Variants in ZCCHC24 observed in about 807,000 individuals in gnomAD.
ZCCHC24 encodes zinc finger CCHC-type containing 24.
In ZCCHC24, 10 loss-of-function variants were observed where a neutral mutation model predicts 26.2. The observed-to-expected ratio is 0.38, with a 90% confidence interval of 0.24 to 0.65. The LOEUF is 0.65. ZCCHC24 is among the 30% of genes least tolerant of loss of function. ZCCHC24 has a pLI of 0.54. For synonymous variants in ZCCHC24, 144 were observed against 147.1 expected, an observed-to-expected ratio of 0.98 and a Z score of 0.15; for missense variants, 243 against 329.1, an observed-to-expected ratio of 0.74 and a Z score of 2.03.
chr10:79,403,575 G>A, intron 2 of ZCCHC24: 2 of 985,430 alleles, frequency 2.0e-6, no homozygotes, highest in African/African-American at 1.7e-5. Flanking sequence ...CTGGGAGGGA[G>A]GAAGGACGCG....
intron 3 of ZCCHC24, among the ~76,000 whole-genome samples, chr10:79,390,833 TG>T (rs1051210449): frequency 2.0e-5 from 3 of 151,570 alleles, no homozygotes; most frequent in African/African-American, 7.3e-5. Flanking sequence ...AGTGGGGAAG[TG>T]GGGGGTTCTC....
At chr10:79,420,277 C>T (rs1160876095) in intron 2 of ZCCHC24, among the ~76,000 whole-genome samples, 1 of 152,134 alleles carries the variant, frequency 6.6e-6, no homozygotes, top group African/African-American at 2.4e-5. Context: ...TGGGCCTTCC[C>T]CTGTCCCCTC....
Position 79,432,639 on chromosome 10 carries a change from G to C in ZCCHC24, c.366C>G (p.Arg122=), listed in dbSNP as rs1050186546. 1.2e-6 allele frequency: 2 copies of C among 1,609,216 alleles called. No individual in the cohort carries two copies. Reference sequence around the variant, plus strand: ...TGGGTGGGGGCCGCTTGCTGGGCTTGCGAGCCTCGGAGGTGAGGGTCAGGT... The same window carrying C: ...TGGGTGGGGGCCGCTTGCTGGGCTTCCGAGCCTCGGAGGTGAGGGTCAGGT... ...FSDLTLTSEA[R]KPSKRPPPNY... Residue 122 remains arginine, a synonymous_variant, in exon 2 of 4, where the codon CGC becomes CGG. Coordinates refer to ENST00000372336, the MANE Select transcript of ZCCHC24 (RefSeq NM_153367.4).
chr10:79,428,029 T>G (rs1857057242), intron 2 of ZCCHC24, among the ~76,000 whole-genome samples: 1 of 152,090 alleles, frequency 6.6e-6, no homozygotes, highest in South Asian at 2.1e-4. Flanking sequence ...TAATAAATAT[T>G]GAAGTGGAGA....
chr10:79,415,151 C>G (rs1404880916), intron 2 of ZCCHC24, among the ~76,000 whole-genome samples: 1 of 152,182 alleles, frequency 6.6e-6, no homozygotes, highest in African/African-American at 2.4e-5. Flanking sequence ...GCCAGCCCCT[C>G]CCGTCCTCCC....
chr10:79,394,719 G>T, intron 2 of ZCCHC24: 1 of 863,538 alleles, frequency 1.2e-6, no homozygotes, highest in South Asian at 5.3e-5. Context: ...ACTCAATGGT[G>T]GCTGGAAATT....
At chr10:79,405,556 G>T (rs1416574108) in intron 2 of ZCCHC24, among the ~76,000 whole-genome samples, 1 of 152,250 alleles carries the variant, frequency 6.6e-6, no homozygotes, top group Non-Finnish European at 1.5e-5. Flanking sequence ...CGGCTGTCTT[G>T]AGCTAGCAGC....
In ZCCHC24 at chr10:79,385,337, AC is replaced by A. The variant is rs1400736447; in HGVS notation, c.*1007del. 1.3e-5 allele frequency: 2 copies of A among 152,378 alleles called. No homozygotes were observed. The highest frequency in any genetic ancestry group is 1.3e-4 in the Admixed American group (2 of 15,312). 9.4% of individuals were successfully genotyped at this position (152,378 alleles called of 1,614,324 possible). A position where few individuals can be genotyped will look rare whatever the true frequency, so the allele number is the denominator to read the frequency against. ...AGCACCGGCCAGCCTGAATCCCAGA[AC>A]AACAGAGCTGAAATGGGCCCTCTGC... is the stretch of plus-strand genomic sequence containing the variant. On this transcript the variant is annotated 3_prime_UTR_variant, in exon 4 of 4. Transcript: ENST00000372336. The surrounding 1 kb of genome is among the most constrained non-coding windows in gnomAD (Gnocchi z 4.3).
Position 79,386,441 on chromosome 10 carries a change from G to T in ZCCHC24, c.630C>A (p.Pro210=). 1.2e-6 allele frequency: 2 copies of T among 1,601,352 alleles called. No homozygotes were observed. Among genetic ancestry groups the T allele is most frequent in the South Asian group, 2.2e-5 (2 of 90,528 alleles). The change falls in exon 4 of 4, where the codon CCC becomes CCA. Residue 210 remains proline (P), a synonymous_variant. Transcript: ENST00000372336. ...YPHKQRPLEK[P]DGLDVSDQSK... ...TCTGGTCGGACACGTCCAGGCCGTC[G>T]GGCTTCTCCAGGGGTCTCTGCAGAG...
intron 1 of ZCCHC24, among the ~76,000 whole-genome samples, chr10:79,444,825 A>G (rs1367227707): frequency 2.6e-5 from 4 of 152,144 alleles, no homozygotes; most frequent in African/African-American, 9.7e-5. Context: ...TGAGAAGGAC[A>G]CTTCGAAGGG....
rs772433808 is a variant in ZCCHC24 at position 79,432,714 on chromosome 10, G to A, written c.291C>T (p.Ser97=). The part of the protein sequence containing the change: ...SVYKGASPYG[S]LNNIADGLSS... ...TGAGGCCATCGGCGATGTTGTTGAG[G>A]GAGCCATAGGGTGAGGCGCCCTTGT... is the stretch of plus-strand genomic sequence containing the variant. Residue 97 remains serine, a synonymous_variant, in exon 2 of 4, where the codon TCC becomes TCT. Coordinates refer to ENST00000372336, the MANE Select transcript of ZCCHC24 (RefSeq NM_153367.4). 1.2e-6 allele frequency: 2 copies of A among 1,609,696 alleles called. 1 individual carries two copies. The highest frequency in any genetic ancestry group is 2.2e-5 in the South Asian group (2 of 90,558).
At chr10:79,403,763 C>G (rs569972088) in intron 2 of ZCCHC24, among the ~76,000 whole-genome samples, 2 of 152,224 alleles carry the variant, frequency 1.3e-5, no homozygotes, top group Non-Finnish European at 2.9e-5. Flanking sequence ...CAGCCCAAAG[C>G]CACCACAAAA....
intron 3 of ZCCHC24, among the ~76,000 whole-genome samples, chr10:79,388,040 G>T (rs1856425060): frequency 6.6e-6 from 1 of 152,160 alleles, no homozygotes; most frequent in South Asian, 2.1e-4. Flanking sequence ...AGAGGAGTTG[G>T]ACTTCCTGTC....
intron 2 of ZCCHC24, 108 bp from the exon 3 acceptor site, chr10:79,394,548 T>C: frequency 1.3e-6 from 2 of 1,498,122 alleles, no homozygotes; most frequent in Non-Finnish European, 1.8e-6. Context: ...TGTCCATGTG[T>C]GCAGGCACCT....
At chr10:79,402,232 T>G (rs948247417) in intron 2 of ZCCHC24, among the ~76,000 whole-genome samples, 3 of 152,210 alleles carry the variant, frequency 2.0e-5, no homozygotes, top group Non-Finnish European at 4.4e-5. Flanking sequence ...GGTTGGGCCC[T>G]GGCTCTCCCA....
chr10:79,418,549 C>T (rs1589670784), intron 2 of ZCCHC24, among the ~76,000 whole-genome samples: 3 of 152,348 alleles, frequency 2.0e-5, no homozygotes, highest in African/African-American at 7.2e-5. Context: ...ATAGGGGCTG[C>T]ACCATGCAAG....
intron 1 of ZCCHC24, among the ~76,000 whole-genome samples, chr10:79,438,272 CA>C (rs1410563114): frequency 6.6e-6 from 1 of 152,184 alleles, no homozygotes; most frequent in East Asian, 1.9e-4. Flanking sequence ...GACAAGAGAT[CA>C]TTCATCTCGC....
At chr10:79,402,542 G>T (rs1180230860) in intron 2 of ZCCHC24, among the ~76,000 whole-genome samples, 3 of 152,238 alleles carry the variant, frequency 2.0e-5, no homozygotes, top group Non-Finnish European at 2.9e-5. Context: ...CCCAAAGTGT[G>T]GGGATTATAG....
intron 1 of ZCCHC24, among the ~76,000 whole-genome samples, chr10:79,440,642 G>A (rs982782835): frequency 2.0e-5 from 3 of 152,162 alleles, no homozygotes; most frequent in Non-Finnish European, 2.9e-5. Context: ...TAGGTGACTT[G>A]CCAGGCCTCT....
Sources: gnomAD v4.1 joint callset for allele counts (sites outside exome capture counted in the v4.1 genomes callset) on GRCh38, gnomAD v4.1.1 for gene constraint, Gnocchi (gnomAD v3.1) non-coding constraint, MANE v1.5 for transcripts, NCBI Gene and HGNC (gene_info 2026-07-23, HGNC 2026-07-21) for gene names.